Variants in ZNF729 observed in about 807,000 individuals in gnomAD.
ZNF729 encodes zinc finger protein 729.
Under a neutral mutation model 12.2 loss-of-function variants are expected in ZNF729, and 15 were observed. The ratio of observed to expected loss-of-function variants is 1.23; its 90% CI spans 0.82 to 1.89. The LOEUF (loss-of-function observed/expected upper bound fraction) is 1.89. ZNF729 is among the 40% of genes most tolerant of loss of function. The pLI, the probability that ZNF729 is intolerant of heterozygous loss-of-function variation, is 0.00. For synonymous variants in ZNF729, 492 were observed against 476.3 expected, an observed-to-expected ratio of 1.03 and a Z score of -0.43; for missense variants, 1,540 against 1,456.7, an observed-to-expected ratio of 1.06 and a Z score of -0.93.
At chr19:22,287,906 C>T (rs374347016) in intron 1 of ZNF729, among the ~76,000 whole-genome samples, 3 of 146,640 alleles carry the variant, frequency 2.0e-5, no homozygotes, top group African/African-American at 7.6e-5. Context: ...AGTGTGGTGT[C>T]CTGATCTTGG....
chr19:22,313,823 A>G lies in ZNF729; in HGVS notation c.406A>G (p.Lys136Glu), dbSNP rs75458675. ...AAGTGCCAATGAGGGTAAGATGCAC[A>G]AAGAAGGTTATAATAAACTTAACCA... ...CKSANEGKMHKEGYNKLNQCR... is the reference protein window; with the variant it reads ...CKSANEGKMHEEGYNKLNQCR... The change falls in exon 4 of 4, where the codon AAA becomes GAA. Residue 136 changes from lysine (K) to glutamate (E), a missense_variant. Coordinates refer to ENST00000601693, the MANE Select transcript of ZNF729 (RefSeq NM_001242680.2). 12,409 of 1,587,812 alleles carry G rather than the reference A, an allele frequency of 7.8e-3. 769 individuals carry two copies. In the African/African-American group the frequency reaches 0.15, roughly 19 times the overall value.
intron 3 of ZNF729, among the ~76,000 whole-genome samples, chr19:22,311,254 T>A (rs1968446908): frequency 6.6e-6 from 1 of 152,146 alleles, no homozygotes; most frequent in African/African-American, 2.4e-5. Context: ...TGGTTTTTTC[T>A]TGTTTCTCTA....
Position 22,315,668 on chromosome 19 carries a change from C to G in ZNF729, c.2251C>G (p.His751Asp). 6.2e-7 allele frequency: 1 copy of G among 1,607,440 alleles called. No homozygotes were observed. ...KCEECGKSFKHFSALRKHKVI... is the reference protein window; with the variant it reads ...KCEECGKSFKDFSALRKHKVI... ...TGAAGAATGTGGCAAATCTTTTAAG[C>G]ATTTCTCAGCCCTTAGAAAACATAA... Residue 751 changes from histidine to aspartate, a missense_variant, in exon 4 of 4, where the codon CAT becomes GAT. His to Asp is a moderately conservative substitution (Grantham distance 81). Coordinates refer to ENST00000601693, the MANE Select transcript of ZNF729 (RefSeq NM_001242680.2).
chr19:22,306,491 C>T lies in ZNF729; in HGVS notation c.253+1708C>T, dbSNP rs183128304. Among the ~76,000 whole-genome samples, 904 of 146,838 alleles carry T rather than the reference C, an allele frequency of 6.2e-3. 8 individuals carry two copies. Among genetic ancestry groups the T allele is most frequent in the Middle Eastern group, 0.021 (6 of 280 alleles). On this transcript the variant is annotated intron_variant, in intron 3 of 3. Coordinates refer to ENST00000601693, the MANE Select transcript of ZNF729 (RefSeq NM_001242680.2). Reference sequence around the variant, plus strand: ...AAAGTTACATACCAGTTTCATTGTTCTGTTTTATGTTTTTTTTTTTAACAT... The same window carrying T: ...AAAGTTACATACCAGTTTCATTGTTTTGTTTTATGTTTTTTTTTTTAACAT...
At chr19:22,301,157 A>G (rs1478223083) in intron 1 of ZNF729, among the ~76,000 whole-genome samples, 1 of 152,202 alleles carries the variant, frequency 6.6e-6, no homozygotes, top group African/African-American at 2.4e-5. Context: ...TGTATATCCA[A>G]TCAATAATCA....
intron 1 of ZNF729, among the ~76,000 whole-genome samples, chr19:22,300,451 CA>C (rs1301729179): frequency 1.3e-5 from 2 of 152,156 alleles, no homozygotes; most frequent in African/African-American, 4.8e-5. Flanking sequence ...TTATGTTTCA[CA>C]AAAACTGTCT....
chr19:22,287,864 G>A (rs199765337), intron 1 of ZNF729, among the ~76,000 whole-genome samples: 1 of 62,410 alleles, frequency 1.6e-5, no homozygotes, highest in African/African-American at 6.3e-5. Context: ...TTTTTTTTTT[G>A]AGATGGAGTC....
chr19:22,288,262 A>G (rs145219187), intron 1 of ZNF729, among the ~76,000 whole-genome samples: 34 of 151,614 alleles, frequency 2.2e-4, no homozygotes, highest in African/African-American at 8.0e-4. Context: ...CTATGAGAAG[A>G]AAGCAAAAAA....
intron 1 of ZNF729, among the ~76,000 whole-genome samples, chr19:22,291,498 C>T (rs60740131): frequency 0.022 from 3,334 of 152,234 alleles, 110 homozygotes; most frequent in African/African-American, 0.076. Context: ...GCCAAAAACT[C>T]ACAAAAGTGT....
chr19:22,308,883 T>G (rs1408436028), intron 3 of ZNF729, among the ~76,000 whole-genome samples: 1 of 152,166 alleles, frequency 6.6e-6, no homozygotes, highest in Non-Finnish European at 1.5e-5. Context: ...AGTTCCCGTT[T>G]TGACACTATT....
At position 22,313,528 on chromosome 19, in the gene ZNF729, T is replaced by TTA. The variant is rs1568576663; in HGVS notation, c.254-139_254-138dup. 1.0e-5 allele frequency: 7 copies of TTA among 694,620 alleles called. No individual in the cohort carries two copies. The African/African-American group carries it at 1.3e-4, about 13-fold the overall frequency. The allele number at this position is 694,620 out of a possible 1,614,324, so 43.0% of individuals were successfully genotyped here. A position where few individuals can be genotyped will look rare whatever the true frequency, so the allele number is the denominator to read the frequency against. ...TTTGGTCAGTATGTTTTTGTTACATTTATATGTCTATGAAGAAATTAGGGC... is the reference window on the plus strand; with the variant it reads ...TTTGGTCAGTATGTTTTTGTTACATTTATATATGTCTATGAAGAAATTAGGGC... On this transcript the variant is annotated intron_variant, in intron 3 of 3. Coordinates refer to ENST00000601693, the MANE Select transcript of ZNF729 (RefSeq NM_001242680.2).
Position 22,286,542 on chromosome 19 carries a change from GC to G in ZNF729, c.18del (p.Ser7AlafsTer2). 6.2e-7 allele frequency: 1 copy of G among 1,613,862 alleles called. No individual in the cohort carries two copies. Among genetic ancestry groups the G allele is most frequent in the Non-Finnish European group, 8.5e-7 (1 of 1,179,988 alleles). ...ACAGCTAACATGCCAGGTGCCCCTG[GC>G]AGCCTAGAAATGGTGAGAGTGCCGG... is the stretch of plus-strand genomic sequence containing the variant. Reference protein sequence around the residue: MPGAPGSLEMGPLTFR... With the variant: MPGAPXSLEMGPLTFR... On this transcript the variant is annotated frameshift_variant, in exon 1 of 4. Coordinates refer to ENST00000601693, the MANE Select transcript of ZNF729 (RefSeq NM_001242680.2). LOFTEE classifies it high-confidence loss of function.
chr19:22,314,475 G>T lies in ZNF729; in HGVS notation c.1058G>T (p.Cys353Phe), dbSNP rs1353009008. The change falls in exon 4 of 4, where the codon TGT becomes TTT. Residue 353 changes from cysteine to phenylalanine, a missense_variant. Cys to Phe is a radical substitution (Grantham distance 205, BLOSUM62 -2). Coordinates refer to ENST00000601693, the MANE Select transcript of ZNF729 (RefSeq NM_001242680.2). The stretch of plus-strand genomic sequence containing the variant: ...AAGAAACCCTACAAGCGTGAAGAAT[G>T]TGGCAAAGCTTTTAGCCAGTCCTCA... ...TGKKPYKREE[C>F]GKAFSQSSTL... 6.2e-7 allele frequency: 1 copy of T among 1,608,810 alleles called. No individual in the cohort carries two copies. The highest frequency in any genetic ancestry group is 8.5e-7 in the Non-Finnish European group (1 of 1,177,956).
intron 3 of ZNF729, among the ~76,000 whole-genome samples, chr19:22,310,280 G>C (rs10404225): frequency 0.66 from 99,902 of 151,798 alleles, 33,763 homozygotes; most frequent in South Asian, 0.82. Flanking sequence ...TTGTCTTGTT[G>C]CAGTTCTCAG....
At chr19:22,289,471 C>T (rs1006846887) in intron 1 of ZNF729, among the ~76,000 whole-genome samples, 2 of 151,926 alleles carry the variant, frequency 1.3e-5, no homozygotes, top group Admixed American at 6.6e-5. Flanking sequence ...ATGATCCACC[C>T]GCCTCAGCCT....
chr19:22,297,610 T>C (rs1957168090), intron 1 of ZNF729, among the ~76,000 whole-genome samples: 1 of 149,926 alleles, frequency 6.7e-6, no homozygotes, highest in African/African-American at 2.5e-5. Context: ...ATTCTTTTTA[T>C]TTAGATTCAT....
At chr19:22,290,478 C>A (rs1968138477) in intron 1 of ZNF729, among the ~76,000 whole-genome samples, 1 of 152,094 alleles carries the variant, frequency 6.6e-6, no homozygotes, top group Admixed American at 6.6e-5. Context: ...TTTAGGCAGA[C>A]AAGGGCCTTG....
intron 3 of ZNF729, among the ~76,000 whole-genome samples, chr19:22,309,148 T>C (rs1393692240): frequency 1.3e-5 from 2 of 152,158 alleles, no homozygotes; most frequent in Non-Finnish European, 2.9e-5. Flanking sequence ...GCACCATTTG[T>C]TGAAAAGAGT....
At chr19:22,305,370 T>G (rs1968365682) in intron 3 of ZNF729, among the ~76,000 whole-genome samples, 1 of 152,192 alleles carries the variant, frequency 6.6e-6, no homozygotes, top group Non-Finnish European at 1.5e-5. Flanking sequence ...ACCTACATTT[T>G]GTTTTCTTAA....
Sources: allele counts gnomAD v4.1 joint callset (sites outside exome capture counted in the v4.1 genomes callset), GRCh38; gene constraint gnomAD v4.1.1; transcripts MANE v1.5; gene names NCBI Gene and HGNC (gene_info 2026-07-23, HGNC 2026-07-21).